Variants in DDAH1 observed in about 807,000 individuals in gnomAD.
DDAH1 encodes N(G),N(G)-dimethylarginine dimethylaminohydrolase 1.
Under a neutral mutation model 28.8 loss-of-function variants are expected in DDAH1, and 19 were observed. The observed-to-expected ratio is 0.66, with a 90% CI of 0.46 to 0.97. The LOEUF (loss-of-function observed/expected upper bound fraction) is 0.97. Ranked by LOEUF, DDAH1 falls within the 50% of genes least tolerant of loss-of-function variation. DDAH1 has a pLI of 0.00. For synonymous variants in DDAH1, 153 were observed against 154.4 expected, an observed-to-expected ratio of 0.99 and a Z score of 0.07; for missense variants, 326 against 375.9, an observed-to-expected ratio of 0.87 and a Z score of 1.10.
chr1:85,365,244 A>G (rs1051572045), intron 1 of DDAH1, among the ~76,000 whole-genome samples: 8 of 152,212 alleles, frequency 5.3e-5, no homozygotes, highest in African/African-American at 1.9e-4. Context: ...ATTCTTTCCT[A>G]CACAATATTG....
At chr1:85,384,733 A>T (rs1020302153) in intron 1 of DDAH1, among the ~76,000 whole-genome samples, 2 of 152,118 alleles carry the variant, frequency 1.3e-5, no homozygotes, top group African/African-American at 4.8e-5. Flanking sequence ...TCAAATGAAA[A>T]TTTTTTCTCA....
At chr1:85,504,702 T>C (rs1656947742) in intron 1 of DDAH1, among the ~76,000 whole-genome samples, 1 of 152,140 alleles carries the variant, frequency 6.6e-6, no homozygotes, top group Non-Finnish European at 1.5e-5. Flanking sequence ...GCTTAGGACA[T>C]GGTGACTTGC....
At chr1:85,574,290 G>A (rs75408726) in intron 1 of DDAH1, among the ~76,000 whole-genome samples, 24,547 of 152,142 alleles carry the variant, frequency 0.16, 2,470 homozygotes, top group Admixed American at 0.26. Flanking sequence ...TCTGAGCTAG[G>A]AGAATCCTGT....
At chr1:85,419,317 T>C (rs1231083454) in intron 1 of DDAH1, among the ~76,000 whole-genome samples, 1 of 151,806 alleles carries the variant, frequency 6.6e-6, no homozygotes, top group Non-Finnish European at 1.5e-5. Flanking sequence ...GGTGGGCAGA[T>C]CACCTGAGGT....
At position 85,408,947 on chromosome 1, in the gene DDAH1, G is replaced by A. The variant is rs569781785; in HGVS notation, c.304-50100C>T. 1.1e-3 allele frequency among the ~76,000 whole-genome samples: 163 copies of A among 152,186 alleles called. 1 individual carries two copies. The highest frequency in any genetic ancestry group is 3.7e-3 in the African/African-American group (152 of 41,524). ...GAACACACACGGTTCCTGCCCTCAT[G>A]GGGGTAACAGTCTAACTCTTAAAGA... is the stretch of plus-strand genomic sequence containing the variant. On this transcript the variant is annotated intron_variant, in intron 1 of 5. Transcript: ENST00000284031.
chr1:85,426,076 A>C (rs962928926), intron 1 of DDAH1, among the ~76,000 whole-genome samples: 2 of 152,202 alleles, frequency 1.3e-5, no homozygotes, highest in African/African-American at 4.8e-5. Context: ...AATTAAATTG[A>C]TGAATACATA....
intron 1 of DDAH1, among the ~76,000 whole-genome samples, chr1:85,423,799 C>T (rs946995017): frequency 2.6e-5 from 4 of 152,120 alleles, no homozygotes; most frequent in Admixed American, 2.6e-4. Flanking sequence ...TTTCTTATTA[C>T]ACTAGCTAGG....
At chr1:85,350,336 T>A in intron 4 of DDAH1, 79 bp downstream of exon 4, 1 of 1,535,776 alleles carries the variant, frequency 6.5e-7, no homozygotes, top group Non-Finnish European at 8.8e-7. Context: ...TGCTTGTTAC[T>A]CCCCCAGCAG....
At chr1:85,327,125 C>T (rs566959844) in intron 4 of DDAH1, among the ~76,000 whole-genome samples, 4 of 152,216 alleles carry the variant, frequency 2.6e-5, no homozygotes, top group East Asian at 1.9e-4. Context: ...AAATGAAGAC[C>T]GCCTGAGCCC....
intron 1 of DDAH1, among the ~76,000 whole-genome samples, chr1:85,503,332 G>A (rs189150886): frequency 6.6e-6 from 1 of 152,242 alleles, no homozygotes; most frequent in East Asian, 1.9e-4. Context: ...AGCTTCCTGA[G>A]TTGCTGAGAT....
intron 1 of DDAH1, among the ~76,000 whole-genome samples, chr1:85,387,319 C>T (rs1184065221): frequency 6.6e-6 from 1 of 152,156 alleles, no homozygotes. Context: ...CATTCCTTTG[C>T]TCCCATATCT....
At chr1:85,444,314 C>T (rs1007932576) in intron 1 of DDAH1, among the ~76,000 whole-genome samples, 5 of 152,080 alleles carry the variant, frequency 3.3e-5, no homozygotes, top group African/African-American at 4.8e-5. Flanking sequence ...GGATGGATTA[C>T]GTTTATTGAT....
intron 1 of DDAH1, among the ~76,000 whole-genome samples, chr1:85,447,474 G>T (rs529809003): frequency 1.6e-4 from 24 of 152,332 alleles, no homozygotes; most frequent in African/African-American, 5.1e-4. Flanking sequence ...AGTGAGAAGA[G>T]ATGGCATGAG....
intron 1 of DDAH1, among the ~76,000 whole-genome samples, chr1:85,416,047 A>C (rs2100604988): frequency 6.6e-6 from 1 of 152,282 alleles, no homozygotes; most frequent in South Asian, 2.1e-4. Context: ...AAAAGCAAAT[A>C]AAATAACCCC....
rs570079720 is a variant in DDAH1 at position 85,481,102 on chromosome 1, T to TTG, written c.-7+15063_-7+15064insCA. Among the ~76,000 whole-genome samples, 19 of 141,578 alleles carry TTG rather than the reference T, an allele frequency of 1.3e-4. No individual in the cohort carries two copies. The South Asian group carries it at 2.0e-3, about 15-fold the overall frequency. 92.9% of individuals were successfully genotyped at this position (141,578 alleles called of 152,430 possible). On this transcript the variant is annotated intron_variant, in intron 2 of 6. Transcript: ENST00000426972. The stretch of plus-strand genomic sequence containing the variant: ...AATCATTTCTTTGGGTTTTTTGTTT[T>TTG]TTTTTTTTTTTTTGAGATGGAGTCT...
At chr1:85,549,640 G>T (rs1658727267) in intron 1 of DDAH1, among the ~76,000 whole-genome samples, 1 of 152,176 alleles carries the variant, frequency 6.6e-6, no homozygotes, top group African/African-American at 2.4e-5. Flanking sequence ...TTTGTGCTTT[G>T]CATTTTTAAA....
At chr1:85,455,017 C>T (rs1256763754) in intron 1 of DDAH1, among the ~76,000 whole-genome samples, 1 of 152,092 alleles carries the variant, frequency 6.6e-6, no homozygotes, top group Non-Finnish European at 1.5e-5. Flanking sequence ...GCTGGAAAAC[C>T]AGGGTCCCTG....
At chr1:85,349,024 G>A (rs1337666427) in intron 4 of DDAH1, among the ~76,000 whole-genome samples, 1 of 152,124 alleles carries the variant, frequency 6.6e-6, no homozygotes, top group African/African-American at 2.4e-5. Context: ...TAGGTACCAC[G>A]GATAGATACC....
At chr1:85,349,738 G>A (rs993104899) in intron 4 of DDAH1, among the ~76,000 whole-genome samples, 2 of 152,216 alleles carry the variant, frequency 1.3e-5, no homozygotes, top group Non-Finnish European at 2.9e-5. Context: ...TCCTTATTGG[G>A]TGTCCAGATC....
Sources: gnomAD v4.1 joint callset for allele counts (sites outside exome capture counted in the v4.1 genomes callset) on GRCh38, gnomAD v4.1.1 for gene constraint, MANE v1.5 for transcripts, NCBI Gene and HGNC (gene_info 2026-07-23, HGNC 2026-07-21) for gene names.